LDAH: variants seen among roughly 807,000 people sequenced by gnomAD.
The protein encoded by LDAH is lipid droplet associated hydrolase.
In LDAH, 26 loss-of-function variants were observed where a neutral mutation model predicts 29.6. The observed-to-expected ratio is 0.88, with a 90% CI of 0.64 to 1.22. LDAH has a LOEUF of 1.22. Ranked by LOEUF, LDAH falls within the 50% of genes most tolerant of loss-of-function variation. The probability of loss-of-function intolerance (pLI) is 0.00; values close to 1 mark genes in which losing one functional copy is unlikely to be tolerated. For missense variants in LDAH, 344 were observed against 387.3 expected, an observed-to-expected ratio of 0.89 and a Z score of 0.94; for synonymous variants, 117 against 133.0, an observed-to-expected ratio of 0.88 and a Z score of 0.83.
At chr2:20,805,510 A>G (rs1414064595) in intron 1 of LDAH, among the ~76,000 whole-genome samples, 2 of 152,220 alleles carry the variant, frequency 1.3e-5, no homozygotes, top group Non-Finnish European at 2.9e-5. Flanking sequence ...TTAACAAAGG[A>G]GAGTACGTTG....
intron 4 of LDAH, among the ~76,000 whole-genome samples, chr2:20,767,844 G>A (rs1251631211): frequency 6.6e-6 from 1 of 152,210 alleles, no homozygotes; most frequent in Non-Finnish European, 1.5e-5. Flanking sequence ...ACAATGGGAT[G>A]ACCTGCTGCA....
intron 6 of LDAH, among the ~76,000 whole-genome samples, chr2:20,699,759 C>T (rs1489434899): frequency 6.6e-6 from 1 of 152,208 alleles, no homozygotes; most frequent in African/African-American, 2.4e-5. Context: ...TTTACCATTA[C>T]ACCCCCGTAT....
chr2:20,724,850 AC>A (rs935377025), intron 5 of LDAH, among the ~76,000 whole-genome samples: 1 of 152,206 alleles, frequency 6.6e-6, no homozygotes, highest in Non-Finnish European at 1.5e-5. Flanking sequence ...GTAGCCTAGT[AC>A]CACTAGTATG....
chr2:20,764,950 G>C (rs543157491), intron 4 of LDAH, among the ~76,000 whole-genome samples: 17 of 152,114 alleles, frequency 1.1e-4, no homozygotes, highest in Non-Finnish European at 2.1e-4. Flanking sequence ...AATTTCAAAT[G>C]AATGTTAGGT....
chr2:20,812,618 A>G (rs1334377354), intron 1 of LDAH, among the ~76,000 whole-genome samples: 3 of 152,188 alleles, frequency 2.0e-5, no homozygotes, highest in African/African-American at 7.2e-5. Flanking sequence ...AACCCCTGCT[A>G]TATTTTGGGA....
intron 1 of LDAH, among the ~76,000 whole-genome samples, chr2:20,802,304 C>T (rs186432826): frequency 2.0e-5 from 3 of 152,092 alleles, no homozygotes; most frequent in African/African-American, 7.2e-5. Flanking sequence ...AGATAATCCA[C>T]CCACCTCGGC....
chr2:20,816,405 G>C (rs967423519), intron 1 of LDAH, among the ~76,000 whole-genome samples: 3 of 151,846 alleles, frequency 2.0e-5, no homozygotes, highest in African/African-American at 7.3e-5. Flanking sequence ...TAATGACATT[G>C]GTAGGTTGAA....
At chr2:20,732,908 G>A (rs1046697452) in intron 5 of LDAH, among the ~76,000 whole-genome samples, 4 of 151,330 alleles carry the variant, frequency 2.6e-5, no homozygotes, top group Admixed American at 2.0e-4. Context: ...TCACTATGTC[G>A]CCTAGGCTGG....
chr2:20,755,293 A>C (rs1668266853), intron 4 of LDAH, among the ~76,000 whole-genome samples: 1 of 152,138 alleles, frequency 6.6e-6, no homozygotes, highest in Non-Finnish European at 1.5e-5. Flanking sequence ...ATTTCCAAAT[A>C]AAAAGTTTTA....
At chr2:20,747,534 T>G (rs1171225264) in intron 4 of LDAH, among the ~76,000 whole-genome samples, 1 of 152,200 alleles carries the variant, frequency 6.6e-6, no homozygotes, top group Admixed American at 6.5e-5. Context: ...GAAGTAATCC[T>G]AGTTTAGTTT....
chr2:20,711,329 G>T (rs1664743518), intron 5 of LDAH, among the ~76,000 whole-genome samples: 1 of 151,848 alleles, frequency 6.6e-6, no homozygotes, highest in African/African-American at 2.4e-5. Context: ...AGCTTGAAGT[G>T]GGCCGAGATT....
intron 2 of LDAH, among the ~76,000 whole-genome samples, chr2:20,797,372 C>A (rs2125094288): frequency 6.6e-6 from 1 of 152,276 alleles, no homozygotes; most frequent in Middle Eastern, 3.4e-3. Context: ...CAAACAGGAG[C>A]CTGGAAGATT....
chr2:20,781,453 G>A (rs749794011), intron 3 of LDAH, among the ~76,000 whole-genome samples: 2 of 152,056 alleles, frequency 1.3e-5, no homozygotes, highest in African/African-American at 2.4e-5. Context: ...TATTTTTCAC[G>A]CCATTATTTT....
At chr2:20,769,173 C>T (rs573851740) in intron 4 of LDAH, among the ~76,000 whole-genome samples, 3 of 152,148 alleles carry the variant, frequency 2.0e-5, no homozygotes, top group Non-Finnish European at 4.4e-5. Flanking sequence ...CACAGTACCC[C>T]CTAGCCACCA....
rs979762684 is a variant in LDAH at position 20,698,485 on chromosome 2, T to G, written c.786+3085A>C. Among the ~76,000 whole-genome samples the G allele has an allele frequency of 2.0e-5, 3 of 152,098 alleles. No homozygotes were observed. The highest frequency in any genetic ancestry group is 7.2e-5 in the African/African-American group (3 of 41,420). ...CCGGTAAATCACAAGGTCAGGAGTT[T>G]GAGACCAGCCTGACCAACATGGTGA... is the stretch of plus-strand genomic sequence containing the variant. On this transcript the variant is annotated intron_variant, in intron 6 of 6. Coordinates refer to ENST00000237822, the MANE Select transcript of LDAH (RefSeq NM_021925.4). This position sits in a 1 kb window ranked among gnomAD's most constrained non-coding sequence, Gnocchi z 4.4.
chr2:20,813,729 C>G (rs1332175139), intron 1 of LDAH, among the ~76,000 whole-genome samples: 1 of 152,196 alleles, frequency 6.6e-6, no homozygotes, highest in Non-Finnish European at 1.5e-5. Flanking sequence ...CCTATCATCA[C>G]TAAGTGATAC....
At chr2:20,822,422 C>T (rs1158779671) in intron 1 of LDAH, among the ~76,000 whole-genome samples, 1 of 152,328 alleles carries the variant, frequency 6.6e-6, no homozygotes, top group East Asian at 1.9e-4. Context: ...GGATTACAGG[C>T]GTGAGCCACG....
At chr2:20,730,358 A>AGCT (rs1166906130) in intron 5 of LDAH, among the ~76,000 whole-genome samples, 1 of 152,228 alleles carries the variant, frequency 6.6e-6, no homozygotes, top group Non-Finnish European at 1.5e-5. Context: ...GTCATAGGGT[A>AGCT]GCTGCGTGTT....
At chr2:20,762,824 G>C (rs188286989) in intron 4 of LDAH, among the ~76,000 whole-genome samples, 72 of 152,290 alleles carry the variant, frequency 4.7e-4, no homozygotes, top group African/African-American at 1.3e-3. Flanking sequence ...CTACAGACTA[G>C]TGACTTCCAT....
Sources: gnomAD v4.1 joint callset for allele counts (sites outside exome capture counted in the v4.1 genomes callset) on GRCh38, gnomAD v4.1.1 for gene constraint, Gnocchi (gnomAD v3.1) non-coding constraint, MANE v1.5 for transcripts, NCBI Gene and HGNC (gene_info 2026-07-23, HGNC 2026-07-21) for gene names.